Variants in CDK11A observed in about 807,000 individuals in gnomAD.
CDK11A encodes cyclin-dependent kinase 11A.
In CDK11A, 55 loss-of-function variants were observed where a neutral mutation model predicts 83.6. The observed-to-expected ratio is 0.66, with a 90% CI of 0.53 to 0.82. The LOEUF is 0.82. CDK11A is among the 40% of genes least tolerant of loss of function. The probability of loss-of-function intolerance (pLI) is 0.00; values close to 1 mark genes in which losing one functional copy is unlikely to be tolerated. For missense variants in CDK11A, 564 were observed against 810.1 expected (o/e 0.70, Z 3.69); for synonymous variants, 247 against 302.7 (o/e 0.82, Z 1.91).
In CDK11A at chr1:1,716,593, C is replaced by T. The variant is rs370833608; in HGVS notation, c.356-115G>A. The stretch of plus-strand genomic sequence containing the variant: ...CTTTGGGAGGCCGAGGCGGGTGGAT[C>T]ACCTGAGGTCAGGAGTTCAAAACCA... On this transcript the variant is annotated intron_variant, in intron 4 of 19. Transcript: ENST00000404249. 4.8e-5 allele frequency: 47 copies of T among 989,292 alleles called. No homozygotes were observed. The African/African-American group carries it at 7.4e-4, about 16-fold the overall frequency. 61.3% of individuals were successfully genotyped at this position (989,292 alleles called of 1,614,324 possible). A position where few individuals can be genotyped will look rare whatever the true frequency, so the allele number is the denominator to read the frequency against.
intron 1 of CDK11A, among the ~76,000 whole-genome samples, chr1:1,723,488 C>CAAAAAAAA (rs768913380): frequency 3.9e-4 from 8 of 20,630 alleles, no homozygotes; most frequent in East Asian, 1.2e-3. Context: ...GACCCCGTCT[C>CAAAAAAAA]AAAAAAAAAA....
chr1:1,720,412 G>A (rs1167338211), intron 3 of CDK11A, among the ~76,000 whole-genome samples: 1 of 143,688 alleles, frequency 7.0e-6, no homozygotes, highest in Non-Finnish European at 1.5e-5. Context: ...TTATTTTTTT[G>A]AGATGGAGTC....
At chr1:1,708,359 G>A in intron 9 of CDK11A, 114 bp from the exon 10 acceptor site, 4 of 1,456,192 alleles carry the variant, frequency 2.7e-6, no homozygotes, top group Non-Finnish European at 3.7e-6. Flanking sequence ...TGGATATGGA[G>A]GCTGGGCGCG....
chr1:1,717,717 G>A (rs78617378), intron 4 of CDK11A, among the ~76,000 whole-genome samples: 4 of 128,182 alleles, frequency 3.1e-5, no homozygotes, highest in African/African-American at 3.0e-5. Context: ...ACTTTCAGCT[G>A]GAGTATCCTC....
chr1:1,722,237 G>T (rs1644932127), intron 2 of CDK11A, among the ~76,000 whole-genome samples: 1 of 151,116 alleles, frequency 6.6e-6, no homozygotes, highest in African/African-American at 2.4e-5. Context: ...TGCAAGGTAT[G>T]CCTGTACTCA....
chr1:1,719,005 T>C (rs905396038), intron 4 of CDK11A, among the ~76,000 whole-genome samples: 10 of 150,532 alleles, frequency 6.6e-5, no homozygotes, highest in African/African-American at 1.7e-4. Context: ...CAGCTAGAGT[T>C]TGCTCTCTCT....
chr1:1,710,779 GAGAC>G (rs1250075542), intron 6 of CDK11A, among the ~76,000 whole-genome samples: 1 of 140,372 alleles, frequency 7.1e-6, no homozygotes, highest in Non-Finnish European at 1.6e-5. Flanking sequence ...AATATCAACA[GAGAC>G]AGAAGATCCA....
chr1:1,706,700 C>A (rs1298934303), intron 11 of CDK11A, among the ~76,000 whole-genome samples: 2 of 151,372 alleles, frequency 1.3e-5, no homozygotes, highest in Non-Finnish European at 3.0e-5. Context: ...GGGGCCGGTG[C>A]CCAGGCCGGA....
rs762956830 is a variant in CDK11A at position 1,704,666 on chromosome 1, C to T, written c.1459-11G>A. 18 of 1,595,862 alleles carry T rather than the reference C, an allele frequency of 1.1e-5. 2 individuals carry two copies. In the Middle Eastern group the frequency reaches 5.0e-4, roughly 44 times the overall value. ...GCCCACCACAATCTCCTGCAGGGCA[C>T]GGCTCTGTGGGTGCTGGGCACCTCC... On this transcript the variant is annotated splice_polypyrimidine_tract_variant and intron_variant, in intron 13 of 19. Coordinates refer to ENST00000404249, the MANE Select transcript of CDK11A (RefSeq NM_024011.4).
At chr1:1,717,473 T>G (rs1037675178) in intron 4 of CDK11A, among the ~76,000 whole-genome samples, 1 of 151,326 alleles carries the variant, frequency 6.6e-6, no homozygotes, top group Non-Finnish European at 1.5e-5. Flanking sequence ...TTGGGGTGTG[T>G]TTTTCTCCTA....
At chr1:1,715,253 G>A (rs1393237452) in intron 5 of CDK11A, among the ~76,000 whole-genome samples, 1 of 125,242 alleles carries the variant, frequency 8.0e-6, no homozygotes, top group Non-Finnish European at 1.8e-5. Flanking sequence ...GCGGTCCTCT[G>A]GCCTTAGCCT....
intron 11 of CDK11A, among the ~76,000 whole-genome samples, chr1:1,706,697 G>C (rs1363046363): frequency 6.6e-6 from 1 of 151,340 alleles, no homozygotes; most frequent in African/African-American, 2.4e-5. Context: ...CTTGGGGCCG[G>C]TGCCCAGGCC....
chr1:1,704,893 G>A lies in CDK11A; in HGVS notation c.1458+11C>T, dbSNP rs1570375351. On this transcript the variant is annotated intron_variant, in intron 13 of 19. Coordinates refer to ENST00000404249, the MANE Select transcript of CDK11A (RefSeq NM_024011.4). ...TCCACCCGGGGCCAGGCGTGGTGGG[G>A]CCATGCTCACTCTAACGGTGACAAT... The A allele has an allele frequency of 3.1e-6, 5 of 1,605,482 alleles. No homozygotes were observed. In the South Asian group the frequency reaches 5.5e-5, roughly 18 times the overall value.
chr1:1,704,681 T>A (rs201517196), intron 13 of CDK11A, 26 bp from the exon 14 acceptor site: 1 of 1,595,752 alleles, frequency 6.3e-7, no homozygotes, highest in Non-Finnish European at 8.5e-7. Context: ...CTGTGGGTGC[T>A]GGGCACCTCC....
chr1:1,708,311 G>A lies in CDK11A; in HGVS notation c.1004-66C>T, dbSNP rs577013887. The A allele has an allele frequency of 1.4e-4, 195 of 1,427,982 alleles. 6 individuals carry two copies. The highest frequency in any genetic ancestry group is 1.7e-4 in the Non-Finnish European group (186 of 1,065,274). 88.5% of individuals were successfully genotyped at this position (1,427,982 alleles called of 1,614,324 possible). ...GCGAGTGCTGCCACAGGCAGGATGC[G>A]GGCTCCGCTTCAGCTAAGCAACAAG... On this transcript the variant is annotated intron_variant, in intron 9 of 19. Transcript: ENST00000404249.
At chr1:1,718,739 C>A (rs1035083993) in intron 4 of CDK11A, among the ~76,000 whole-genome samples, 1 of 149,694 alleles carries the variant, frequency 6.7e-6, no homozygotes, top group Non-Finnish European at 1.5e-5. Context: ...CAGGTTCATG[C>A]CATTCTCCTG....
chr1:1,717,376 CTAACACCCG>C (rs3044847), intron 4 of CDK11A, among the ~76,000 whole-genome samples: 48,332 of 150,494 alleles, frequency 0.32, 9,999 homozygotes, highest in East Asian at 0.54. Flanking sequence ...TCCAATTTTC[CTAACACCCG>C]TAAGAATCTC....
chr1:1,719,302 G>A lies in CDK11A; in HGVS notation c.355+26C>T, dbSNP rs371830741. The A allele has an allele frequency of 3.4e-6, 5 of 1,489,262 alleles. No individual in the cohort carries two copies. The African/African-American group carries it at 5.8e-5, about 17-fold the overall frequency. 92.3% of individuals were successfully genotyped at this position (1,489,262 alleles called of 1,614,324 possible). Reference sequence around the variant, plus strand: ...GAAAGAAACCACACTTGAACATGATGTCAAAGAAAGTAAATGCTTCTGTAC... The same window carrying A: ...GAAAGAAACCACACTTGAACATGATATCAAAGAAAGTAAATGCTTCTGTAC... On this transcript the variant is annotated intron_variant, in intron 4 of 19. Transcript: ENST00000404249.
Position 1,716,379 on chromosome 1 carries a change from C to T in CDK11A, c.455G>A (p.Arg152Lys), listed in dbSNP as rs1387090217. 1 of 1,609,240 alleles carries T rather than the reference C, an allele frequency of 6.2e-7. No homozygotes were observed. Among genetic ancestry groups the T allele is most frequent in the Non-Finnish European group, 8.5e-7 (1 of 1,176,712 alleles). ...CCTGGAATGCTCCCTTGCCATTTCC[C>T]TTCTCTTCTGTCTTTCCCATTCCCG... ...ARREWERQKR[R>K]EMAREHSRRE... The change falls in exon 5 of 20, where the codon AGG (arginine) becomes AAG (lysine). Residue 152 changes from arginine (R) to lysine (K), a missense_variant. Coordinates refer to ENST00000404249, the MANE Select transcript of CDK11A (RefSeq NM_024011.4).
Sources: allele counts gnomAD v4.1 joint callset (sites outside exome capture counted in the v4.1 genomes callset), GRCh38; gene constraint gnomAD v4.1.1; transcripts MANE v1.5; gene names NCBI Gene and HGNC (gene_info 2026-07-23, HGNC 2026-07-21).